GRID2: variants seen among roughly 807,000 people sequenced by gnomAD.
GRID2 encodes glutamate ionotropic receptor delta type subunit 2.
Under a neutral mutation model 114.8 loss-of-function variants are expected in GRID2, and 33 were observed. The observed-to-expected ratio is 0.29, with a 90% CI of 0.22 to 0.38. The LOEUF (loss-of-function observed/expected upper bound fraction) is 0.38. Ranked by LOEUF, GRID2 falls within the 10% of genes least tolerant of loss-of-function variation. GRID2 has a pLI of 1.00. For missense variants in GRID2, 1,184 were observed against 1,257.7 expected (o/e 0.94, Z 0.89); for synonymous variants, 505 against 449.9 (o/e 1.12, Z -1.55).
At chr4:93,282,494 A>T (rs1370151981) in intron 8 of GRID2, 1 of 340,206 alleles carries the variant, frequency 2.9e-6, no homozygotes, top group African/African-American at 2.2e-5. Context: ...GGGATGAGAT[A>T]AGGGTCAAAC....
chr4:92,451,548 C>G (rs749980319), intron 1 of GRID2, among the ~76,000 whole-genome samples: 4 of 151,982 alleles, frequency 2.6e-5, no homozygotes, highest in African/African-American at 9.7e-5. Context: ...TGAATGTGCT[C>G]AGGGTAGAAG....
At chr4:92,673,380 T>C (rs888185050) in intron 2 of GRID2, among the ~76,000 whole-genome samples, 5 of 152,192 alleles carry the variant, frequency 3.3e-5, no homozygotes, top group Admixed American at 1.3e-4. Flanking sequence ...TTTAAATACA[T>C]TGTGTGTTTT....
At chr4:92,644,817 A>G (rs1411531182) in intron 2 of GRID2, among the ~76,000 whole-genome samples, 1 of 151,568 alleles carries the variant, frequency 6.6e-6, no homozygotes, top group Non-Finnish European at 1.5e-5. Context: ...ATAAATGTTT[A>G]TATTCATATA....
rs533497156 is a variant in GRID2, at chr4:92,767,075, A to G, written c.244+176789A>G. Among the ~76,000 whole-genome samples the G allele has an allele frequency of 5.3e-5, 8 of 152,306 alleles. No homozygotes were observed. The South Asian group carries it at 6.2e-4, about 12-fold the overall frequency. On this transcript the variant is annotated intron_variant, in intron 2 of 15. Coordinates refer to ENST00000282020, the MANE Select transcript of GRID2 (RefSeq NM_001510.4). ...TTTTGGTCAATGGGATATGAAAGGA[A>G]ATGATGTAGCACGTTCTCAATCTCA...
At chr4:92,516,545 G>T (rs1284606123) in intron 1 of GRID2, among the ~76,000 whole-genome samples, 1 of 151,818 alleles carries the variant, frequency 6.6e-6, no homozygotes, top group Non-Finnish European at 1.5e-5. Flanking sequence ...TGTGTGGTTT[G>T]ACAGCTGTGC....
chr4:92,686,889 T>A (rs953148380), intron 2 of GRID2, among the ~76,000 whole-genome samples: 13 of 152,240 alleles, frequency 8.5e-5, no homozygotes, highest in African/African-American at 3.1e-4. Context: ...CTAGAGTTTT[T>A]CAAAAAATAT....
intron 2 of GRID2, among the ~76,000 whole-genome samples, chr4:92,639,111 AT>A (rs1190188870): frequency 1.3e-5 from 2 of 151,582 alleles, no homozygotes; most frequent in African/African-American, 4.8e-5. Context: ...GAAATAACGT[AT>A]CTTTAGAATG....
At chr4:92,711,606 T>C (rs1201193108) in intron 2 of GRID2, among the ~76,000 whole-genome samples, 1 of 152,166 alleles carries the variant, frequency 6.6e-6, no homozygotes, top group Non-Finnish European at 1.5e-5. Flanking sequence ...ACTATGCTTT[T>C]AAAGAGTTCA....
intron 2 of GRID2, among the ~76,000 whole-genome samples, chr4:92,672,606 G>A (rs544650647): frequency 1.3e-5 from 2 of 152,088 alleles, no homozygotes; most frequent in South Asian, 2.1e-4. Context: ...TATATTTAAT[G>A]TACTTATTGG....
chr4:92,675,830 A>G (rs1039766993), intron 2 of GRID2, among the ~76,000 whole-genome samples: 4 of 152,094 alleles, frequency 2.6e-5, no homozygotes, highest in South Asian at 2.1e-4. Context: ...CTGGGATTAC[A>G]GGCGTGAGCT....
At chr4:93,636,526 T>C in intron 14 of GRID2, among the ~76,000 whole-genome samples, 1 of 152,122 alleles carries the variant, frequency 6.6e-6, no homozygotes, top group East Asian at 1.9e-4. Flanking sequence ...TTAAATCACA[T>C]TTTTAACACT....
chr4:92,585,544 G>A (rs1015255668), intron 1 of GRID2, among the ~76,000 whole-genome samples: 6 of 151,928 alleles, frequency 3.9e-5, no homozygotes, highest in Admixed American at 3.9e-4. Flanking sequence ...ATGTGTTGAT[G>A]CTTGGTTTCA....
intron 14 of GRID2, among the ~76,000 whole-genome samples, chr4:93,662,011 C>A (rs1341746210): frequency 6.6e-6 from 1 of 152,200 alleles, no homozygotes; most frequent in Non-Finnish European, 1.5e-5. Flanking sequence ...TCACTTCTTC[C>A]ATTCCCCCCA....
chr4:92,624,381 A>G (rs1730419806), intron 2 of GRID2, among the ~76,000 whole-genome samples: 1 of 151,792 alleles, frequency 6.6e-6, no homozygotes, highest in African/African-American at 2.4e-5. Flanking sequence ...ATTTGCAGTT[A>G]TTGATCCATG....
intron 8 of GRID2, among the ~76,000 whole-genome samples, chr4:93,245,339 T>C (rs1466819391): frequency 6.6e-6 from 1 of 152,162 alleles, no homozygotes; most frequent in East Asian, 1.9e-4. Flanking sequence ...ACATAATTAT[T>C]TGCATTTAAA....
intron 2 of GRID2, among the ~76,000 whole-genome samples, chr4:92,775,144 G>A (rs1016905317): frequency 1.3e-5 from 2 of 152,100 alleles, no homozygotes; most frequent in Non-Finnish European, 2.9e-5. Context: ...TAGAGTTAGT[G>A]TTACCTTCAT....
intron 1 of GRID2, among the ~76,000 whole-genome samples, chr4:92,548,908 A>G (rs916129066): frequency 6.6e-6 from 1 of 152,064 alleles, no homozygotes. Flanking sequence ...CCCAGATTTC[A>G]TAAGAACTCT....
chr4:92,511,603 G>A (rs111479134), intron 1 of GRID2, among the ~76,000 whole-genome samples: 1,594 of 151,834 alleles, frequency 0.01, 25 homozygotes, highest in African/African-American at 0.036. Context: ...ATAAATAATC[G>A]TTGCATTCAG....
intron 14 of GRID2, among the ~76,000 whole-genome samples, chr4:93,741,721 C>T (rs370134862): frequency 5.9e-5 from 9 of 152,054 alleles, no homozygotes; most frequent in South Asian, 2.1e-4. Flanking sequence ...GTCAGGAGTT[C>T]GAGACCAGCC....
Sources: allele counts gnomAD v4.1 joint callset (sites outside exome capture counted in the v4.1 genomes callset), GRCh38; gene constraint gnomAD v4.1.1; transcripts MANE v1.5; gene names NCBI Gene and HGNC (gene_info 2026-07-23, HGNC 2026-07-21).